LRRC7: variants seen among roughly 807,000 people sequenced by gnomAD.
The protein encoded by LRRC7 is leucine rich repeat containing 7, also known as leucine-rich repeat-containing protein 7.
In LRRC7, 23 loss-of-function variants were observed where a neutral mutation model predicts 175.7. The observed-to-expected ratio is 0.13, with a 90% CI of 0.09 to 0.19. The LOEUF (loss-of-function observed/expected upper bound fraction) is 0.19, where lower values mean the gene tolerates loss of function less well. Among genes scored for constraint, LRRC7 ranks in the 10% least tolerant of loss-of-function variants. The probability of loss-of-function intolerance (pLI) is 1.00; values close to 1 mark genes in which losing one functional copy is unlikely to be tolerated. For missense variants in LRRC7, 1,354 were observed against 1,904.7 expected (o/e 0.71, Z 5.38); for synonymous variants, 685 against 680.9 (o/e 1.01, Z -0.09).
intron 23 of LRRC7, among the ~76,000 whole-genome samples, chr1:70,054,081 T>G (rs150665871): frequency 3.7e-4 from 57 of 152,284 alleles, no homozygotes; most frequent in African/African-American, 1.3e-3. Flanking sequence ...AAGCTGAATA[T>G]GCACATACTC....
At chr1:69,899,892 A>G (rs959077460) in intron 7 of LRRC7, among the ~76,000 whole-genome samples, 1 of 152,138 alleles carries the variant, frequency 6.6e-6, no homozygotes, top group East Asian at 1.9e-4. Flanking sequence ...GGACTTCCCA[A>G]TCTCCAGAAC....
chr1:69,606,420 T>A (rs1037286569), intron 1 of LRRC7, among the ~76,000 whole-genome samples: 2 of 151,528 alleles, frequency 1.3e-5, no homozygotes, highest in African/African-American at 4.9e-5. Flanking sequence ...TAATAAAGAG[T>A]TTTTAAAAAT....
intron 2 of LRRC7, among the ~76,000 whole-genome samples, chr1:69,680,197 T>C (rs931580504): frequency 6.6e-6 from 1 of 152,054 alleles, no homozygotes; most frequent in Non-Finnish European, 1.5e-5. Flanking sequence ...TCAGAAACTC[T>C]TAGAGCAGGG....
intron 1 of LRRC7, among the ~76,000 whole-genome samples, chr1:69,641,701 T>G (rs1417931864): frequency 1.3e-5 from 2 of 151,708 alleles, no homozygotes. Context: ...AATAATTTTG[T>G]AGCTATATTT....
intron 25 of LRRC7, among the ~76,000 whole-genome samples, chr1:70,102,110 C>T (rs553616003): frequency 6.6e-6 from 1 of 152,310 alleles, no homozygotes; most frequent in Non-Finnish European, 1.5e-5. Flanking sequence ...ACAGTGGATT[C>T]TATTAGCCAT....
chr1:69,700,973 C>G (rs1416276702), intron 2 of LRRC7, among the ~76,000 whole-genome samples: 1 of 152,182 alleles, frequency 6.6e-6, no homozygotes, highest in African/African-American at 2.4e-5. Flanking sequence ...GTCCTGCGCC[C>G]CCTTGTGACT....
intron 11 of LRRC7, among the ~76,000 whole-genome samples, chr1:70,001,077 C>T (rs1156948381): frequency 6.6e-6 from 1 of 152,074 alleles, no homozygotes; most frequent in Non-Finnish European, 1.5e-5. Context: ...GTATATACCT[C>T]ACCTCAATTA....
intron 4 of LRRC7, among the ~76,000 whole-genome samples, chr1:69,820,227 A>G (rs182672336): frequency 3.3e-5 from 5 of 152,186 alleles, no homozygotes; most frequent in African/African-American, 9.6e-5. Flanking sequence ...ATGGGGCTAC[A>G]TTATAACATA....
At chr1:69,675,408 A>C (rs542339045) in intron 1 of LRRC7, among the ~76,000 whole-genome samples, 1 of 152,300 alleles carries the variant, frequency 6.6e-6, no homozygotes, top group East Asian at 1.9e-4. Context: ...AAAAAGGAAA[A>C]ATAATAGCCT....
At chr1:70,006,437 A>C (rs986491855) in intron 11 of LRRC7, among the ~76,000 whole-genome samples, 1 of 150,832 alleles carries the variant, frequency 6.6e-6, no homozygotes, top group Non-Finnish European at 1.5e-5. Context: ...GCAACACTGC[A>C]CTCCAGCCTG....
chr1:70,136,914 A>G lies in LRRC7; in HGVS notation c.*15027A>G, dbSNP rs929144683. Among the ~76,000 whole-genome samples, 2 of 151,532 alleles carry G rather than the reference A, an allele frequency of 1.3e-5. No homozygotes were observed. Among genetic ancestry groups the G allele is most frequent in the African/African-American group, 2.4e-5 (1 of 41,364 alleles). On this transcript the variant is annotated 3_prime_UTR_variant, in exon 27 of 27. Coordinates refer to ENST00000651989, the MANE Select transcript of LRRC7 (RefSeq NM_001370785.2). ...CTAATTTTTTATTTTTTGCAGAGAC[A>G]GAGTCTTGCTATGTTGCCCAGGCTG...
chr1:69,568,733 CGGCCGG>C (rs1341060003), intron 1 of LRRC7, 92 bp downstream of exon 1: 2 of 589,224 alleles, frequency 3.4e-6, no homozygotes, highest in Non-Finnish European at 4.8e-6. Flanking sequence ...CCCCAGAGGC[CGGCCGG>C]GGGCGGGGGT....
chr1:69,765,042 C>T (rs1671477073), intron 3 of LRRC7, among the ~76,000 whole-genome samples: 1 of 151,980 alleles, frequency 6.6e-6, no homozygotes, highest in Non-Finnish European at 1.5e-5. Flanking sequence ...TTCCCTGGTC[C>T]ATAAAATGTG....
intron 26 of LRRC7, among the ~76,000 whole-genome samples, chr1:70,121,564 C>T (rs1666210377): frequency 6.6e-6 from 1 of 152,038 alleles, no homozygotes; most frequent in African/African-American, 2.4e-5. Flanking sequence ...AGCACAGTGG[C>T]AAAGACATAA....
chr1:70,007,762 C>T (rs1053887627), intron 11 of LRRC7, among the ~76,000 whole-genome samples: 2 of 152,198 alleles, frequency 1.3e-5, no homozygotes, highest in Admixed American at 1.3e-4. Context: ...CTGAAAGTTC[C>T]TTTAATGTGA....
At chr1:70,112,055 G>T (rs1315306958) in intron 26 of LRRC7, among the ~76,000 whole-genome samples, 1 of 152,090 alleles carries the variant, frequency 6.6e-6, no homozygotes, top group African/African-American at 2.4e-5. Context: ...TGTATTTCAA[G>T]ATGCTAAAAG....
chr1:70,051,525 C>G (rs922204752), intron 22 of LRRC7, among the ~76,000 whole-genome samples: 7 of 151,982 alleles, frequency 4.6e-5, no homozygotes, highest in African/African-American at 1.7e-4. Flanking sequence ...GGAAAACAGA[C>G]AGTCGTTGAA....
intron 24 of LRRC7, among the ~76,000 whole-genome samples, chr1:70,088,878 C>T (rs538416652): frequency 1.3e-5 from 2 of 152,272 alleles, no homozygotes; most frequent in South Asian, 4.1e-4. Flanking sequence ...AAGGCGGACC[C>T]TACCCCTAAT....
At chr1:70,004,369 C>G (rs1655810269) in intron 11 of LRRC7, among the ~76,000 whole-genome samples, 1 of 152,150 alleles carries the variant, frequency 6.6e-6, no homozygotes, top group Admixed American at 6.6e-5. Context: ...GAACCTAAAA[C>G]TTGATTCCTA....
Sources: allele counts gnomAD v4.1 joint callset (sites outside exome capture counted in the v4.1 genomes callset), GRCh38; gene constraint gnomAD v4.1.1; transcripts MANE v1.5; gene names NCBI Gene and HGNC (gene_info 2026-07-23, HGNC 2026-07-21).